Variants in UNC13C observed in about 807,000 individuals in gnomAD.
UNC13C encodes the protein unc-13 homolog C.
UNC13C carries 174 observed loss-of-function variants against 245.4 expected under a neutral mutation model. The ratio of observed to expected loss-of-function variants is 0.71; its 90% CI spans 0.63 to 0.80. The LOEUF (loss-of-function observed/expected upper bound fraction) is 0.80. Ranked by LOEUF, UNC13C falls within the 30% of genes least tolerant of loss-of-function variation. UNC13C has a pLI of 0.00. For synonymous variants in UNC13C, 992 were observed against 895.1 expected, an observed-to-expected ratio of 1.11 and a Z score of -1.93; for missense variants, 2,829 against 2,602.9, an observed-to-expected ratio of 1.09 and a Z score of -1.89.
intron 25 of UNC13C, among the ~76,000 whole-genome samples, chr15:54,527,736 T>C (rs995441105): frequency 8.5e-5 from 13 of 152,238 alleles, no homozygotes; most frequent in African/African-American, 2.4e-4. Flanking sequence ...CCATTTATTA[T>C]TGATTTTTTA....
chr15:54,622,922 G>T (rs1487060011), intron 31 of UNC13C, among the ~76,000 whole-genome samples: 1 of 151,962 alleles, frequency 6.6e-6, no homozygotes. Flanking sequence ...TTTTATATTA[G>T]TCACTTCAAT....
At chr15:54,432,340 C>T (rs1306528399) in intron 19 of UNC13C, among the ~76,000 whole-genome samples, 2 of 151,374 alleles carry the variant, frequency 1.3e-5, no homozygotes, top group Admixed American at 6.6e-5. Context: ...TTCAGAAAAG[C>T]GTTCCATAAG....
the UNC13C span, among the ~76,000 whole-genome samples, chr15:53,861,265 A>G: frequency 0.13 from 20,352 of 152,172 alleles, 1,505 homozygotes; most frequent in Admixed American, 0.21. Context: ...TTACTTGGGT[A>G]TAGTTATCTA....
chr15:54,199,413 A>G (rs1338774598), intron 4 of UNC13C, among the ~76,000 whole-genome samples: 1 of 152,156 alleles, frequency 6.6e-6, no homozygotes, highest in African/African-American at 2.4e-5. Context: ...AGTCTAGACA[A>G]AGGAAAGAAT....
At chr15:54,606,925 T>C (rs1193560267) in intron 30 of UNC13C, among the ~76,000 whole-genome samples, 2 of 152,184 alleles carry the variant, frequency 1.3e-5, no homozygotes, top group African/African-American at 4.8e-5. Flanking sequence ...GTATTTTGTA[T>C]GCAAATGACT....
At chr15:53,901,037 A>G in the UNC13C span, among the ~76,000 whole-genome samples, 1 of 152,108 alleles carries the variant, frequency 6.6e-6, no homozygotes, top group Non-Finnish European at 1.5e-5. Flanking sequence ...GAAAATACTC[A>G]AAAACACATA....
At chr15:54,262,479 T>C (rs969090623) in intron 8 of UNC13C, among the ~76,000 whole-genome samples, 1 of 152,236 alleles carries the variant, frequency 6.6e-6, no homozygotes, top group African/African-American at 2.4e-5. Context: ...GCCTATCAGA[T>C]AGTTTCAACT....
chr15:54,097,769 G>A (rs2141148510), intron 2 of UNC13C, among the ~76,000 whole-genome samples: 1 of 152,226 alleles, frequency 6.6e-6, no homozygotes. Flanking sequence ...GTAGTTATGT[G>A]ACTGATATTC....
intron 22 of UNC13C, among the ~76,000 whole-genome samples, chr15:54,506,406 T>C (rs976976746): frequency 3.3e-5 from 5 of 152,112 alleles, no homozygotes; most frequent in Non-Finnish European, 7.4e-5. Flanking sequence ...TGAAGATAAT[T>C]CAGTCTGATC....
intron 16 of UNC13C, among the ~76,000 whole-genome samples, 200 bp downstream of exon 16, chr15:54,334,056 C>T (rs1371394907): frequency 6.6e-6 from 1 of 152,098 alleles, no homozygotes; most frequent in African/African-American, 2.4e-5. Context: ...TTAAAATACT[C>T]TGATACATTT....
intron 20 of UNC13C, among the ~76,000 whole-genome samples, chr15:54,495,857 T>G (rs1478709844): frequency 6.6e-6 from 1 of 151,864 alleles, no homozygotes; most frequent in Non-Finnish European, 1.5e-5. Flanking sequence ...TAACACAACT[T>G]TTCTCATACA....
At chr15:53,857,090 C>G in the UNC13C span, among the ~76,000 whole-genome samples, 3 of 152,046 alleles carry the variant, frequency 2.0e-5, no homozygotes, top group Non-Finnish European at 4.4e-5. Context: ...ACCACCGTGC[C>G]CGGCCCCAAT....
intron 10 of UNC13C, among the ~76,000 whole-genome samples, chr15:54,276,563 A>G (rs1468561705): frequency 6.6e-6 from 1 of 152,064 alleles, no homozygotes; most frequent in Non-Finnish European, 1.5e-5. Context: ...ACATCCTTAC[A>G]TTTATGGCTG....
chr15:54,139,397 G>T (rs1013563794), intron 2 of UNC13C, among the ~76,000 whole-genome samples: 2 of 152,028 alleles, frequency 1.3e-5, no homozygotes, highest in African/African-American at 4.8e-5. Flanking sequence ...CAGACGTTAG[G>T]ACTTCAACAT....
intron 30 of UNC13C, among the ~76,000 whole-genome samples, chr15:54,584,281 A>C (rs531723827): frequency 6.6e-6 from 1 of 152,320 alleles, no homozygotes; most frequent in East Asian, 1.9e-4. Context: ...ATGATTTAGA[A>C]CACACTAGAC....
chr15:54,015,411 A>G lies in UNC13C; in HGVS notation c.2508A>G (p.Leu836=), dbSNP rs143420938. The G allele has an allele frequency of 4.5e-5, 73 of 1,613,784 alleles. 1 individual carries two copies. In the East Asian group the frequency reaches 1.6e-3, roughly 35 times the overall value. ...GSSLMGRFRT[L]SQSTANESST... ...CATTAATGGGGAGATTTCGGACATT[A>G]TCTCAATCAACTGCAAATGAGTCAA... Residue 836 remains leucine, a synonymous_variant, in exon 2 of 33, where the codon TTA becomes TTG. Transcript: ENST00000260323.
At chr15:53,952,284 T>C in the UNC13C span, among the ~76,000 whole-genome samples, 8 of 152,186 alleles carry the variant, frequency 5.3e-5, no homozygotes, top group Admixed American at 5.2e-4. Flanking sequence ...AATTATAAAG[T>C]TACCTGGCAG....
At chr15:54,416,845 C>T (rs1009168411) in intron 19 of UNC13C, 3 of 454,080 alleles carry the variant, frequency 6.6e-6, no homozygotes, top group African/African-American at 2.0e-5. Context: ...TACTTAAGCA[C>T]TTACGGGTTA....
At chr15:53,902,118 T>A in the UNC13C span, among the ~76,000 whole-genome samples, 1 of 152,040 alleles carries the variant, frequency 6.6e-6, no homozygotes, top group African/African-American at 2.4e-5. Flanking sequence ...TATATCCTAC[T>A]CTTTTGGTTC....
Sources: gnomAD v4.1 joint callset for allele counts (sites outside exome capture counted in the v4.1 genomes callset) on GRCh38, gnomAD v4.1.1 for gene constraint, MANE v1.5 for transcripts, NCBI Gene and HGNC (gene_info 2026-07-23, HGNC 2026-07-21) for gene names.